Variants in CISD1 observed in about 807,000 individuals in gnomAD.
CISD1 encodes the protein CDGSH iron-sulfur domain-containing protein 1.
A neutral mutation model predicts 12.0 loss-of-function variants in CISD1; 8 were observed. The ratio of observed to expected loss-of-function variants is 0.67; its 90% CI spans 0.39 to 1.20. CISD1 has a LOEUF of 1.20. CISD1 is among the 50% of genes most tolerant of loss of function. The pLI is 0.01. For missense variants in CISD1, 107 were observed against 132.7 expected, an observed-to-expected ratio of 0.81 and a Z score of 0.95; for synonymous variants, 38 against 42.2, an observed-to-expected ratio of 0.90 and a Z score of 0.39.
At position 58,287,917 on chromosome 10, in the gene CISD1, G is replaced by C; in HGVS notation, c.*267G>C. ...TAAGGATCCATTTCTTTAAAATACT[G>C]ACATATAGAGTTGTACCTTATATAG... is the stretch of plus-strand genomic sequence containing the variant. On this transcript the variant is annotated 3_prime_UTR_variant, in exon 3 of 3. Coordinates refer to ENST00000333926, the MANE Select transcript of CISD1 (RefSeq NM_018464.5). The C allele has an allele frequency of 3.2e-6, 1 of 310,072 alleles. No individual in the cohort carries two copies. The highest frequency in any genetic ancestry group is 5.9e-6 in the Non-Finnish European group (1 of 169,162). The allele number at this position is 310,072 out of a possible 1,614,324, so 19.2% of individuals were successfully genotyped here.
At chr10:58,271,892 C>G (rs1056552780) in intron 1 of CISD1, among the ~76,000 whole-genome samples, 3 of 152,036 alleles carry the variant, frequency 2.0e-5, no homozygotes, top group Admixed American at 2.0e-4. Flanking sequence ...TCGATAAGAC[C>G]ATTAGTTTAT....
At chr10:58,281,789 G>A (rs1215190334) in intron 2 of CISD1, among the ~76,000 whole-genome samples, 1 of 152,148 alleles carries the variant, frequency 6.6e-6, no homozygotes, top group East Asian at 1.9e-4. Flanking sequence ...GCAGTCACTA[G>A]TAACCTGTTG....
chr10:58,283,750 ACTT>A (rs1215784463), intron 2 of CISD1, among the ~76,000 whole-genome samples: 8 of 152,192 alleles, frequency 5.3e-5, no homozygotes, highest in Admixed American at 5.2e-4. Flanking sequence ...CTTTATTCCA[ACTT>A]CTTCTAACCC....
intron 2 of CISD1, among the ~76,000 whole-genome samples, chr10:58,278,608 G>A (rs1189795847): frequency 6.6e-6 from 1 of 152,112 alleles, no homozygotes; most frequent in African/African-American, 2.4e-5. Context: ...TAAAAATGAT[G>A]TATCTGTTTT....
intron 2 of CISD1, among the ~76,000 whole-genome samples, chr10:58,283,278 C>T (rs1413547917): frequency 1.3e-5 from 2 of 152,102 alleles, no homozygotes; most frequent in African/African-American, 2.4e-5. Flanking sequence ...GGCCAATCCA[C>T]ATAAAGACAG....
intron 2 of CISD1, among the ~76,000 whole-genome samples, chr10:58,280,917 TAGA>T (rs1839366507): frequency 6.6e-6 from 1 of 152,186 alleles, no homozygotes; most frequent in African/African-American, 2.4e-5. Flanking sequence ...GTAATTAGAA[TAGA>T]AGCTATGTCC....
intron 2 of CISD1, among the ~76,000 whole-genome samples, chr10:58,286,138 G>A (rs1281197374): frequency 6.6e-6 from 1 of 151,224 alleles, no homozygotes; most frequent in Non-Finnish European, 1.5e-5. Context: ...CCAGGAGGCG[G>A]AGCTTGCAGT....
intron 1 of CISD1, among the ~76,000 whole-genome samples, chr10:58,274,086 T>A (rs1295658853): frequency 6.6e-6 from 1 of 152,068 alleles, no homozygotes; most frequent in African/African-American, 2.4e-5. Flanking sequence ...TGAGCTGAGA[T>A]TGTGCCATTG....
At chr10:58,274,605 C>T (rs576927438) in intron 1 of CISD1, among the ~76,000 whole-genome samples, 1 of 151,412 alleles carries the variant, frequency 6.6e-6, no homozygotes, top group Admixed American at 6.6e-5. Context: ...ACACATGGTA[C>T]TGTGACATTG....
In CISD1 at chr10:58,287,872, T is replaced by C. The variant is rs1290712678; in HGVS notation, c.*222T>C. On this transcript the variant is annotated 3_prime_UTR_variant, in exon 3 of 3. Transcript: ENST00000333926. Reference sequence around the variant, plus strand: ...AAAGGAAAAACCAACCTGCATGGCCTGTGGGTTATTTTGGTCTTGTAAGGA... The same window carrying C: ...AAAGGAAAAACCAACCTGCATGGCCCGTGGGTTATTTTGGTCTTGTAAGGA... 1 of 402,410 alleles carries C rather than the reference T, an allele frequency of 2.5e-6. No individual in the cohort carries two copies. The highest frequency in any genetic ancestry group is 3.7e-5 in the East Asian group (1 of 27,126). The allele number at this position is 402,410 out of a possible 1,614,324, so 24.9% of individuals were successfully genotyped here.
intron 1 of CISD1, among the ~76,000 whole-genome samples, chr10:58,272,876 A>G (rs2790176): frequency 0.29 from 43,892 of 151,974 alleles, 8,030 homozygotes; most frequent in African/African-American, 0.52. Context: ...CTGAGATTGC[A>G]CCACTGCACT....
intron 2 of CISD1, among the ~76,000 whole-genome samples, chr10:58,283,584 G>A (rs769953622): frequency 6.6e-6 from 1 of 152,178 alleles, no homozygotes; most frequent in South Asian, 2.1e-4. Flanking sequence ...GTTTCAGGTG[G>A]AAGAGATAAG....
In CISD1 at chr10:58,269,313, G is replaced by A; in HGVS notation, c.31+9G>A. The A allele has an allele frequency of 6.2e-7, 1 of 1,607,466 alleles. No homozygotes were observed. The highest frequency in any genetic ancestry group is 1.3e-5 in the African/African-American group (1 of 74,986). ...CAGTTCCAGCGTACGAGGTGAAGTG[G>A]GGCCTGGGAGCGGGTGAGGCTGGTG... On this transcript the variant is annotated intron_variant, in intron 1 of 2. Transcript: ENST00000333926.
chr10:58,281,112 T>A (rs1251602050), intron 2 of CISD1, among the ~76,000 whole-genome samples: 1 of 152,202 alleles, frequency 6.6e-6, no homozygotes, highest in African/African-American at 2.4e-5. Flanking sequence ...GGGCAAAGAA[T>A]CCAATAAACT....
intron 1 of CISD1, among the ~76,000 whole-genome samples, chr10:58,272,647 G>A (rs561179803): frequency 2.0e-5 from 3 of 152,266 alleles, no homozygotes; most frequent in East Asian, 3.9e-4. Flanking sequence ...GGCTGGGTGC[G>A]GTGGCTCACG....
chr10:58,285,951 A>G (rs1839423590), intron 2 of CISD1, among the ~76,000 whole-genome samples: 1 of 152,178 alleles, frequency 6.6e-6, no homozygotes. Flanking sequence ...CACACCTGTA[A>G]TCCCAGCACT....
intron 1 of CISD1, among the ~76,000 whole-genome samples, chr10:58,275,624 G>GA (rs1839303871): frequency 6.6e-6 from 1 of 152,132 alleles, no homozygotes; most frequent in African/African-American, 2.4e-5. Context: ...CTACGGGAAG[G>GA]AAAACAGTAT....
Position 58,277,285 on chromosome 10 carries a change from A to C in CISD1, c.200A>C (p.Asp67Ala). Residue 67 changes from aspartate (D) to alanine (A), a missense_variant, in exon 2 of 3, where the codon GAT becomes GCT. Asp to Ala is a moderately radical substitution (Grantham distance 126). Transcript: ENST00000333926. ...VHAFDMEDLG[D>A]KAVYCRCWRS... Reference sequence around the variant, plus strand: ...GCTTTTGACATGGAGGATTTGGGAGATAAAGCTGTGTACTGCCGTTGTTGG... The same window carrying C: ...GCTTTTGACATGGAGGATTTGGGAGCTAAAGCTGTGTACTGCCGTTGTTGG... 1 of 1,609,024 alleles carries C rather than the reference A, an allele frequency of 6.2e-7. No homozygotes were observed. The highest frequency in any genetic ancestry group is 8.5e-7 in the Non-Finnish European group (1 of 1,177,798).
At chr10:58,286,148 T>C (rs1203595548) in intron 2 of CISD1, among the ~76,000 whole-genome samples, 1 of 146,736 alleles carries the variant, frequency 6.8e-6, no homozygotes, top group Non-Finnish European at 1.5e-5. Flanking sequence ...GAGCTTGCAG[T>C]GAGTCGAGAT....
Sources: allele counts gnomAD v4.1 joint callset (sites outside exome capture counted in the v4.1 genomes callset), GRCh38; gene constraint gnomAD v4.1.1; transcripts MANE v1.5; gene names NCBI Gene and HGNC (gene_info 2026-07-23, HGNC 2026-07-21).